The following CERT1 variants were observed in gnomAD, a reference collection of about 807,000 sequenced individuals.
CERT1 encodes the protein ceramide transporter 1.
In CERT1, 31 loss-of-function variants were observed where a neutral mutation model predicts 87.9. The observed-to-expected ratio is 0.35, with a 90% confidence interval of 0.27 to 0.48. The LOEUF (loss-of-function observed/expected upper bound fraction) is 0.48, where lower values mean the gene tolerates loss of function less well. Among genes scored for constraint, CERT1 ranks in the 20% least tolerant of loss-of-function variants. CERT1 has a pLI of 0.99. For synonymous variants in CERT1, 289 were observed against 250.9 expected, an observed-to-expected ratio of 1.15 and a Z score of -1.44; for missense variants, 487 against 758.0, an observed-to-expected ratio of 0.64 and a Z score of 4.20.
chr5:75,430,101 T>C (rs1013755916), intron 3 of CERT1, among the ~76,000 whole-genome samples: 1 of 151,718 alleles, frequency 6.6e-6, no homozygotes, highest in Non-Finnish European at 1.5e-5. Flanking sequence ...AAAAAAGAAA[T>C]GGACATTTTC....
At chr5:75,462,225 T>C (rs552286468) in intron 2 of CERT1, among the ~76,000 whole-genome samples, 4 of 152,146 alleles carry the variant, frequency 2.6e-5, no homozygotes, top group South Asian at 2.1e-4. Context: ...AGGTGATAAA[T>C]ATAAGATATG....
upstream of CERT1, chr5:75,511,871 C>A: frequency 6.6e-7 from 1 of 1,515,226 alleles, no homozygotes; most frequent in South Asian, 1.2e-5. Flanking sequence ...GTCCGTCGCT[C>A]GCGCAGCCTC....
intron 2 of CERT1, among the ~76,000 whole-genome samples, chr5:75,478,545 C>A (rs1036888511): frequency 2.6e-5 from 4 of 152,152 alleles, no homozygotes; most frequent in Non-Finnish European, 4.4e-5. Flanking sequence ...ACACTAGATT[C>A]CTCTGAAGCT....
intron 9 of CERT1, chr5:75,402,743 T>C (rs889471443): frequency 1.4e-4 from 40 of 280,260 alleles, no homozygotes; most frequent in Non-Finnish European, 2.2e-4. Context: ...GAAGTTGCAG[T>C]AAGCCGAGAT....
intron 3 of CERT1, among the ~76,000 whole-genome samples, chr5:75,452,701 A>T (rs1226385686): frequency 2.0e-5 from 3 of 152,168 alleles, no homozygotes; most frequent in African/African-American, 4.8e-5. Context: ...TTACTAGAAA[A>T]ATGTTAGCTT....
In CERT1 at chr5:75,377,871, C is replaced by T. The variant is rs1761387421; in HGVS notation, c.*1475G>A. ...TCGTGTAATCACAGCTCACTGCAGC[C>T]TCAAACTCCCAGACAAAGCGATCTT... On this transcript the variant is annotated 3_prime_UTR_variant, in exon 17 of 17. Transcript: ENST00000643780. 1 of 152,228 alleles carries T rather than the reference C, an allele frequency of 6.6e-6. No individual in the cohort carries two copies. Among genetic ancestry groups the T allele is most frequent in the African/African-American group, 2.4e-5 (1 of 41,418 alleles). 9.4% of individuals were successfully genotyped at this position (152,228 alleles called of 1,614,324 possible).
At chr5:75,376,379 A>C (rs1189610906), downstream of CERT1, 2 of 152,216 alleles carry the variant, frequency 1.3e-5, no homozygotes, top group Non-Finnish European at 2.9e-5. Context: ...GTGAGGTCAT[A>C]GTGAAGAAGA....
At position 75,511,111 on chromosome 5, in the gene CERT1, C is replaced by T. The variant is rs774826913; in HGVS notation, c.96+1G>A. 1 of 1,574,070 alleles carries T rather than the reference C, an allele frequency of 6.4e-7. No individual in the cohort carries two copies. ...GTCCCTTGGCACCAGGGGTTGCTCA[C>T]CTTACTGAGGACCCCGCAGCGCTCC... On this transcript the variant is annotated splice_donor_variant, in intron 1 of 16. Transcript: ENST00000643780. LOFTEE classifies it high-confidence loss of function.
intron 3 of CERT1, among the ~76,000 whole-genome samples, chr5:75,438,792 T>C (rs1178864404): frequency 1.3e-5 from 2 of 152,116 alleles, no homozygotes; most frequent in African/African-American, 4.8e-5. Flanking sequence ...CTAAGCATGT[T>C]CTACATAAAT....
chr5:75,444,911 A>AT (rs575379051), intron 3 of CERT1, among the ~76,000 whole-genome samples: 12 of 151,698 alleles, frequency 7.9e-5, no homozygotes, highest in South Asian at 2.1e-4. Context: ...TTCTATACCT[A>AT]TTTTTTTTGT....
intron 12 of CERT1, 93 bp from the exon 13 acceptor site, chr5:75,386,127 T>C: frequency 3.0e-6 from 3 of 1,001,434 alleles, no homozygotes; most frequent in Non-Finnish European, 4.0e-6. Context: ...GCTCTTTAGA[T>C]TTTTATGAAA....
At chr5:75,458,346 C>T (rs1053182848) in intron 3 of CERT1, among the ~76,000 whole-genome samples, 6 of 151,932 alleles carry the variant, frequency 3.9e-5, no homozygotes, top group African/African-American at 1.4e-4. Context: ...TACAAATGTT[C>T]GTACTAAGAA....
intron 3 of CERT1, among the ~76,000 whole-genome samples, chr5:75,440,955 T>C (rs1240821925): frequency 1.3e-5 from 2 of 152,130 alleles, no homozygotes; most frequent in African/African-American, 2.4e-5. Context: ...AGTCCATGCA[T>C]TGCTAATAAG....
intron 2 of CERT1, among the ~76,000 whole-genome samples, chr5:75,460,866 C>G (rs1765195670): frequency 6.6e-6 from 1 of 152,106 alleles, no homozygotes; most frequent in Non-Finnish European, 1.5e-5. Context: ...TTAAAGGATT[C>G]AAGTTAAATT....
downstream of CERT1, chr5:75,374,529 T>C (rs909575597): frequency 7.0e-6 from 5 of 718,984 alleles, no homozygotes; most frequent in Non-Finnish European, 1.3e-5. Flanking sequence ...GCCTGTTTGC[T>C]GCACGAACCG....
intron 3 of CERT1, among the ~76,000 whole-genome samples, chr5:75,453,581 T>C (rs1159513258): frequency 6.6e-6 from 1 of 152,188 alleles, no homozygotes; most frequent in Non-Finnish European, 1.5e-5. Context: ...CACTAACTAG[T>C]TGATTGACCT....
intron 5 of CERT1, among the ~76,000 whole-genome samples, chr5:75,420,847 G>C (rs1763348335): frequency 6.6e-6 from 1 of 151,904 alleles, no homozygotes; most frequent in Non-Finnish European, 1.5e-5. Context: ...TTGTGAGACA[G>C]GGTCTGGCTC....
At chr5:75,414,056 T>C (rs1056484031) in intron 7 of CERT1, among the ~76,000 whole-genome samples, 1 of 152,130 alleles carries the variant, frequency 6.6e-6, no homozygotes, top group Non-Finnish European at 1.5e-5. Flanking sequence ...AAATAGTGTA[T>C]AGCAATAAAA....
At chr5:75,499,997 C>T (rs1031046569) in intron 2 of CERT1, among the ~76,000 whole-genome samples, 1 of 152,090 alleles carries the variant, frequency 6.6e-6, no homozygotes, top group Non-Finnish European at 1.5e-5. Context: ...TAGGTTGGAC[C>T]CCTAATCCAG....
Sources: gnomAD v4.1 joint callset for allele counts (sites outside exome capture counted in the v4.1 genomes callset) on GRCh38, gnomAD v4.1.1 for gene constraint, MANE v1.5 for transcripts, NCBI Gene and HGNC (gene_info 2026-07-23, HGNC 2026-07-21) for gene names.